SLC4A10: variants seen among roughly 807,000 people sequenced by gnomAD.
The protein encoded by SLC4A10 is sodium-driven chloride bicarbonate exchanger.
SLC4A10 carries 42 observed loss-of-function variants against 137.7 expected under a neutral mutation model. The ratio of observed to expected loss-of-function variants is 0.30; its 90% CI spans 0.24 to 0.39. SLC4A10 has a LOEUF of 0.39. SLC4A10 is among the 10% of genes least tolerant of loss of function. The pLI is 1.00. For missense variants in SLC4A10, 925 were observed against 1,355.0 expected (o/e 0.68, Z 4.98); for synonymous variants, 474 against 464.1 (o/e 1.02, Z -0.27).
chr2:161,828,629 T>G (rs1480932129), intron 3 of SLC4A10, among the ~76,000 whole-genome samples: 1 of 146,936 alleles, frequency 6.8e-6, no homozygotes, highest in Non-Finnish European at 1.5e-5. Context: ...AGTATTGGAA[T>G]TTTTGCTTTT....
intron 1 of SLC4A10, among the ~76,000 whole-genome samples, chr2:161,724,180 C>T (rs1250649224): frequency 1.3e-5 from 2 of 152,054 alleles, no homozygotes; most frequent in Non-Finnish European, 2.9e-5. Flanking sequence ...CTTTTTCTTC[C>T]CCTCACCTCA....
intron 1 of SLC4A10, among the ~76,000 whole-genome samples, chr2:161,704,391 T>G (rs1043630657): frequency 6.6e-6 from 1 of 151,698 alleles, no homozygotes. Flanking sequence ...TTTGAACATT[T>G]TTTATGAAAT....
intron 1 of SLC4A10, among the ~76,000 whole-genome samples, chr2:161,730,927 C>T (rs1381323300): frequency 6.6e-6 from 1 of 152,046 alleles, no homozygotes; most frequent in East Asian, 1.9e-4. Context: ...GCAGGTTGAC[C>T]TATAGTATTT....
chr2:161,716,595 TG>T lies in SLC4A10; in HGVS notation c.49-54377del, dbSNP rs144392503. Among the ~76,000 whole-genome samples the T allele has an allele frequency of 3.5e-3, 536 of 152,300 alleles. 4 individuals are homozygous for T. The highest frequency in any genetic ancestry group is 0.012 in the African/African-American group (498 of 41,570). On this transcript the variant is annotated intron_variant, in intron 1 of 26. Transcript: ENST00000446997. ...CTCCATTGCTTGTTTTTGTCAGGTT[TG>T]TTGAAGATCAGACAATTGTAAATGT...
chr2:161,850,910 A>G (rs562971595), intron 4 of SLC4A10, among the ~76,000 whole-genome samples: 23 of 152,098 alleles, frequency 1.5e-4, no homozygotes, highest in African/African-American at 5.5e-4. Context: ...AGTATGTTGT[A>G]TCTTTGTTTT....
chr2:161,936,760 G>A (rs1445898510), intron 15 of SLC4A10, among the ~76,000 whole-genome samples: 2 of 152,058 alleles, frequency 1.3e-5, no homozygotes, highest in African/African-American at 4.8e-5. Context: ...TTGTTAGATA[G>A]AATAGAATAG....
intron 19 of SLC4A10, 87 bp from the exon 20 acceptor site, chr2:161,956,902 C>CA: frequency 7.3e-7 from 1 of 1,378,342 alleles, no homozygotes; most frequent in Non-Finnish European, 9.6e-7. Flanking sequence ...TGAGTATCAT[C>CA]AGGAAGTGGT....
intron 1 of SLC4A10, among the ~76,000 whole-genome samples, chr2:161,685,248 T>G (rs1285719681): frequency 1.3e-5 from 2 of 152,168 alleles, no homozygotes; most frequent in Non-Finnish European, 2.9e-5. Context: ...CTGGGCTAAG[T>G]GCATTACATA....
intron 10 of SLC4A10, among the ~76,000 whole-genome samples, chr2:161,886,789 T>C (rs1379921200): frequency 6.6e-6 from 1 of 152,102 alleles, no homozygotes; most frequent in African/African-American, 2.4e-5. Flanking sequence ...CTTAATTTTT[T>C]TTGTTTGATT....
rs374941792 is a variant in SLC4A10 at position 161,839,754 on chromosome 2, C to A, written c.278-35C>A. The A allele has an allele frequency of 7.3e-5, 118 of 1,610,168 alleles. No homozygotes were observed. In the African/African-American group the frequency reaches 1.4e-3, roughly 20 times the overall value. ...TTTTAAGCTCAGGGTCGTGGTAATA[C>A]ATGTTCATGGTAATACATGTCTCTG... On this transcript the variant is annotated intron_variant, in intron 3 of 26. Coordinates refer to ENST00000446997, the MANE Select transcript of SLC4A10 (RefSeq NM_001178015.2).
intron 1 of SLC4A10, among the ~76,000 whole-genome samples, chr2:161,646,191 T>C (rs1386929978): frequency 6.6e-6 from 1 of 152,034 alleles, no homozygotes; most frequent in Non-Finnish European, 1.5e-5. Flanking sequence ...TAAGTTTCCA[T>C]AGGGTCAGAT....
chr2:161,849,330 A>G (rs1053786268), intron 4 of SLC4A10, among the ~76,000 whole-genome samples: 1 of 152,138 alleles, frequency 6.6e-6, no homozygotes, highest in East Asian at 1.9e-4. Context: ...TAGGTATAGT[A>G]TCATATCATT....
At chr2:161,916,071 G>A (rs183015360) in intron 15 of SLC4A10, among the ~76,000 whole-genome samples, 90 of 152,294 alleles carry the variant, frequency 5.9e-4, no homozygotes, top group African/African-American at 2.1e-3. Flanking sequence ...GACCAACCCT[G>A]TTGGCACCTT....
intron 8 of SLC4A10, 78 bp downstream of exon 8, chr2:161,874,083 T>G (rs888028007): frequency 1.2e-5 from 16 of 1,381,154 alleles, no homozygotes; most frequent in Non-Finnish European, 1.6e-5. Flanking sequence ...ATTCAAACAT[T>G]AAGCCAGTTG....
intron 5 of SLC4A10, among the ~76,000 whole-genome samples, chr2:161,861,822 G>T (rs554243761): frequency 6.6e-6 from 1 of 152,224 alleles, no homozygotes; most frequent in Admixed American, 6.5e-5. Flanking sequence ...TTGCAAAGTT[G>T]TCTAGCTAGA....
rs760216004 is a variant in SLC4A10 at position 161,965,193 on chromosome 2, T to C, written c.3159+20T>C. ...AAAGAAGTAAGAGCAAAATCAATGT[T>C]TTATAAAGAAAGAAAAAAGGAACAT... On this transcript the variant is annotated intron_variant, in intron 23 of 26. Coordinates refer to ENST00000446997, the MANE Select transcript of SLC4A10 (RefSeq NM_001178015.2). 13 of 1,586,486 alleles carry C rather than the reference T, an allele frequency of 8.2e-6. No homozygotes were observed. Among genetic ancestry groups the C allele is most frequent in the Admixed American group, 1.8e-5 (1 of 56,338 alleles).
chr2:161,893,679 G>C (rs886163925), intron 10 of SLC4A10, among the ~76,000 whole-genome samples: 1 of 151,930 alleles, frequency 6.6e-6, no homozygotes, highest in Non-Finnish European at 1.5e-5. Context: ...CAGCCTGCAT[G>C]ACAGAGTGAG....
chr2:161,743,659 CT>C (rs2048135281), intron 1 of SLC4A10, among the ~76,000 whole-genome samples: 1 of 150,490 alleles, frequency 6.6e-6, no homozygotes, highest in Admixed American at 6.6e-5. Context: ...ATTTTTTTTT[CT>C]ATTTCTGTGG....
chr2:161,920,281 T>C (rs1260856765), intron 15 of SLC4A10, among the ~76,000 whole-genome samples: 1 of 152,122 alleles, frequency 6.6e-6, no homozygotes, highest in Non-Finnish European at 1.5e-5. Context: ...CCCGGGGACC[T>C]CATGACAGTA....
Sources: allele counts gnomAD v4.1 joint callset (sites outside exome capture counted in the v4.1 genomes callset), GRCh38; gene constraint gnomAD v4.1.1; transcripts MANE v1.5; gene names NCBI Gene and HGNC (gene_info 2026-07-23, HGNC 2026-07-21).